Variants in DUSP4 observed in about 807,000 individuals in gnomAD.
The protein encoded by DUSP4 is dual specificity protein phosphatase 4.
DUSP4 carries 12 observed loss-of-function variants against 27.2 expected under a neutral mutation model. The observed-to-expected ratio is 0.44, with a 90% CI of 0.28 to 0.71. The LOEUF (loss-of-function observed/expected upper bound fraction) is 0.71, where lower values mean the gene tolerates loss of function less well. Ranked by LOEUF, DUSP4 falls within the 30% of genes least tolerant of loss-of-function variation. The probability of loss-of-function intolerance (pLI) is 0.14; values close to 1 mark genes in which losing one functional copy is unlikely to be tolerated. For synonymous variants in DUSP4, 257 were observed against 245.2 expected (o/e 1.05, Z -0.45); for missense variants, 448 against 551.3 (o/e 0.81, Z 1.88).
At chr8:29,347,041 C>T (rs767187170) in intron 1 of DUSP4, among the ~76,000 whole-genome samples, 1 of 152,182 alleles carries the variant, frequency 6.6e-6, no homozygotes, top group Non-Finnish European at 1.5e-5. Flanking sequence ...ACATACATTC[C>T]CTCGCTGGAA....
In DUSP4 at chr8:29,350,336, C is replaced by T; in HGVS notation, c.-58G>A. 1.3e-6 allele frequency: 2 copies of T among 1,507,916 alleles called. No homozygotes were observed. Among genetic ancestry groups the T allele is most frequent in the Non-Finnish European group, 1.8e-6 (2 of 1,133,266 alleles). 93.4% of individuals were successfully genotyped at this position (1,507,916 alleles called of 1,614,324 possible). A position where few individuals can be genotyped will look rare whatever the true frequency, so the allele number is the denominator to read the frequency against. On this transcript the variant is annotated 5_prime_UTR_variant, in exon 1 of 4. Transcript: ENST00000240100. Reference sequence around the variant, plus strand: ...AGGAAGAGAAGAGAACCCGGGCCGCCTAGGCTGCAGAAAGGGGCGGGCGAG... The same window carrying T: ...AGGAAGAGAAGAGAACCCGGGCCGCTTAGGCTGCAGAAAGGGGCGGGCGAG...
chr8:29,346,053 G>A, intron 1 of DUSP4: 3 of 985,338 alleles, frequency 3.0e-6, no homozygotes, highest in Non-Finnish European at 1.2e-6. Context: ...GGGAACTGAA[G>A]ACAGAGAGAG....
At chr8:29,340,295 G>T in intron 1 of DUSP4, 52 bp from the exon 2 acceptor site, 1 of 1,543,832 alleles carries the variant, frequency 6.5e-7, no homozygotes, top group African/African-American at 1.4e-5. Flanking sequence ...CCAGCAGGAA[G>T]TCAGAAAGAA....
chr8:29,341,848 C>T (rs544184394), intron 1 of DUSP4, among the ~76,000 whole-genome samples: 11 of 152,302 alleles, frequency 7.2e-5, no homozygotes, highest in East Asian at 1.9e-4. Context: ...TGCTCCCTTT[C>T]GGAGAAAGTG....
At chr8:29,349,687 C>A (rs1340439536) in intron 1 of DUSP4, among the ~76,000 whole-genome samples, 159 bp downstream of exon 1, 3 of 152,208 alleles carry the variant, frequency 2.0e-5, no homozygotes, top group African/African-American at 4.8e-5. Context: ...TGCACAGAAA[C>A]CTTGCAAACC....
Position 29,338,343 on chromosome 8 carries a change from T to C in DUSP4, c.738A>G (p.Pro246=), listed in dbSNP as rs763410988. Residue 246 remains proline, a synonymous_variant, in exon 3 of 4, where the codon CCA becomes CCG. Coordinates refer to ENST00000240100, the MANE Select transcript of DUSP4 (RefSeq NM_001394.7). ...TGTCGGCCTTGTGGTTATCTTCCAC[T>C]GGGATGCACTTGTACTGATAGTGTC... The part of the protein sequence containing the change: ...FEGHYQYKCI[P]VEDNHKADIS... The C allele has an allele frequency of 9.3e-5, 150 of 1,613,988 alleles. No homozygotes were observed. Among genetic ancestry groups the C allele is most frequent in the Non-Finnish European group, 1.2e-4 (145 of 1,180,012 alleles).
Position 29,336,681 on chromosome 8 carries a change from T to G in DUSP4, c.*345A>C. The G allele has an allele frequency of 4.9e-6, 1 of 204,220 alleles. No individual in the cohort carries two copies. Among genetic ancestry groups the G allele is most frequent in the Non-Finnish European group, 9.8e-6 (1 of 101,764 alleles). The allele number at this position is 204,220 out of a possible 1,614,324, so 12.7% of individuals were successfully genotyped here. A position where few individuals can be genotyped will look rare whatever the true frequency, so the allele number is the denominator to read the frequency against. On this transcript the variant is annotated 3_prime_UTR_variant, in exon 4 of 4. Transcript: ENST00000240100. ...CCTTTAGTAAAGCTGGTTGGGCACA[T>G]TTGCTAGGATCTGTGGGTTTCATCA...
At chr8:29,347,862 G>T (rs533024751) in intron 1 of DUSP4, 6 of 985,568 alleles carry the variant, frequency 6.1e-6, no homozygotes, top group Non-Finnish European at 7.2e-6. Context: ...TCTGGCTGGG[G>T]AAATGGAGGA....
rs935273018 is a variant in DUSP4, at chr8:29,350,424, A to T, written c.-146T>A. On this transcript the variant is annotated 5_prime_UTR_variant, in exon 1 of 4. Coordinates refer to ENST00000240100, the MANE Select transcript of DUSP4 (RefSeq NM_001394.7). ...TGGTCCTCAAGGGCTCCCGCGGGAG[A>T]GCCTCTTCTTCCCTGTCCCCTTCCT... 3 of 942,010 alleles carry T rather than the reference A, an allele frequency of 3.2e-6. No individual in the cohort carries two copies. Among genetic ancestry groups the T allele is most frequent in the Non-Finnish European group, 4.6e-6 (3 of 654,330 alleles). The allele number at this position is 942,010 out of a possible 1,614,324, so 58.4% of individuals were successfully genotyped here. A position where few individuals can be genotyped will look rare whatever the true frequency, so the allele number is the denominator to read the frequency against.
chr8:29,347,688 C>G (rs1325727919), intron 1 of DUSP4: 3 of 947,442 alleles, frequency 3.2e-6, no homozygotes, highest in Non-Finnish European at 3.8e-6. Context: ...GCGTCGGGGC[C>G]GACTACGAGA....
In DUSP4 at chr8:29,337,207, A is replaced by G. The variant is rs754373118; in HGVS notation, c.1004T>C (p.Leu335Pro). The G allele has an allele frequency of 6.2e-7, 1 of 1,613,710 alleles. No individual in the cohort carries two copies. Residue 335 changes from leucine to proline, a missense_variant, in exon 4 of 4, where the codon CTG becomes CCG. Leu to Pro is a moderately conservative substitution (Grantham distance 98). Around this residue, in one of 3 missense-constraint regions of DUSP4, gnomAD observed 100 missense variants for 139.8 expected, o/e 0.72. Transcript: ENST00000240100. This position sits in a 1 kb window ranked among gnomAD's most constrained non-coding sequence, Gnocchi z 6.4. ...AGCCTCCGCAGCACAGGACGTGGCC[A>G]GCACCTGGGACTCGAACTGCAGCAG... The part of the protein sequence containing the change: ...GQLLQFESQV[L>P]ATSCAAEAAS...
At chr8:29,343,717 T>A (rs1587049576) in intron 1 of DUSP4, among the ~76,000 whole-genome samples, 1 of 152,220 alleles carries the variant, frequency 6.6e-6, no homozygotes, top group Non-Finnish European at 1.5e-5. Context: ...CCCACATTTT[T>A]AAAATGGAAT....
At chr8:29,340,836 G>A (rs761310086) in intron 1 of DUSP4, among the ~76,000 whole-genome samples, 38 of 152,222 alleles carry the variant, frequency 2.5e-4, no homozygotes, top group Non-Finnish European at 4.6e-4. Flanking sequence ...GCTATGTACA[G>A]GTTTGGGGCA....
In DUSP4 at chr8:29,350,039, G is replaced by C. The variant is rs1177113760; in HGVS notation, c.240C>G (p.Ser80=). ...CGGGCAGGATCTGCTCCAGGCTCACGGAGCCCTTAGCCCGCCGCCGCACGA... is the reference window on the plus strand; with the variant it reads ...CGGGCAGGATCTGCTCCAGGCTCACCGAGCCCTTAGCCCGCCGCCGCACGA... ...NTIVRRRAKG[S]VSLEQILPAE... is the part of the protein sequence containing the mutation. The change falls in exon 1 of 4, where the codon TCC becomes TCG. Residue 80 remains serine (S), a synonymous_variant. Transcript: ENST00000240100. 1.3e-6 allele frequency: 2 copies of C among 1,595,248 alleles called. No homozygotes were observed. Among genetic ancestry groups the C allele is most frequent in the Non-Finnish European group, 8.5e-7 (1 of 1,172,722 alleles).
chr8:29,340,148 C>G lies in DUSP4; in HGVS notation c.529G>C (p.Glu177Gln), dbSNP rs376945638. ...GAGCTGCAGCCCAGGTCCAAGGGCT[C>G]TGTGGCACTGGGGGGAACCGGGGGT... ...IPPPVPPSAT[E>Q]PLDLGCSSCG... Residue 177 changes from glutamate to glutamine, a missense_variant, in exon 2 of 4, where the codon GAG becomes CAG. Glu to Gln is a conservative substitution (Grantham distance 29). Transcript: ENST00000240100. The G allele has an allele frequency of 6.2e-7, 1 of 1,606,976 alleles. No individual in the cohort carries two copies. The highest frequency in any genetic ancestry group is 8.5e-7 in the Non-Finnish European group (1 of 1,176,732).
In DUSP4 at chr8:29,350,416, C is replaced by A. The variant is rs903086667; in HGVS notation, c.-138G>T. The A allele has an allele frequency of 2.0e-6, 2 of 992,644 alleles. No individual in the cohort carries two copies. Among genetic ancestry groups the A allele is most frequent in the Non-Finnish European group, 2.9e-6 (2 of 700,588 alleles). The allele number at this position is 992,644 out of a possible 1,614,324, so 61.5% of individuals were successfully genotyped here. A position where few individuals can be genotyped will look rare whatever the true frequency, so the allele number is the denominator to read the frequency against. ...CGCAAACTTGGTCCTCAAGGGCTCC[C>A]GCGGGAGAGCCTCTTCTTCCCTGTC... is the stretch of plus-strand genomic sequence containing the variant. On this transcript the variant is annotated 5_prime_UTR_variant, in exon 1 of 4. Transcript: ENST00000240100.
chr8:29,336,827 G>A lies in DUSP4; in HGVS notation c.*199C>T, dbSNP rs2117264649. 4 of 714,288 alleles carry A rather than the reference G, an allele frequency of 5.6e-6. No individual in the cohort carries two copies. The South Asian group carries it at 9.4e-5, about 17-fold the overall frequency. 44.2% of individuals were successfully genotyped at this position (714,288 alleles called of 1,614,324 possible). A position where few individuals can be genotyped will look rare whatever the true frequency, so the allele number is the denominator to read the frequency against. ...GCGGCAGCCGTTATTGCTCTAAGTT[G>A]GAGTGTTCTGTTTGCTTTTATTATG... On this transcript the variant is annotated 3_prime_UTR_variant, in exon 4 of 4. Transcript: ENST00000240100.
chr8:29,348,065 G>C lies in DUSP4; in HGVS notation c.433+1781C>G, dbSNP rs1022590102. 3.0e-6 allele frequency: 3 copies of C among 985,502 alleles called. No homozygotes were observed. In the Admixed American group the frequency reaches 1.8e-4, roughly 61 times the overall value. 61.0% of individuals were successfully genotyped at this position (985,502 alleles called of 1,614,324 possible). On this transcript the variant is annotated intron_variant, in intron 1 of 3. Transcript: ENST00000240100. ...GTCCCCTCGGGATTTCTTCCAGGAA[G>C]GAAAGCAAAACACAACAAAACAAAT... is the stretch of plus-strand genomic sequence containing the variant.
In DUSP4 at chr8:29,350,093, T is replaced by A. The variant is rs978777384; in HGVS notation, c.186A>T (p.Leu62=). The part of the protein sequence containing the change: ...PFLAHSAGYI[L]GSVNVRCNTI... Reference sequence around the variant, plus strand: ...TGTTACAGCGCACGTTGACCGAACCTAGGATGTAGCCCGCGCTGTGCGCCA... The same window carrying A: ...TGTTACAGCGCACGTTGACCGAACCAAGGATGTAGCCCGCGCTGTGCGCCA... The change falls in exon 1 of 4, where the codon CTA becomes CTT. Residue 62 remains leucine (L), a synonymous_variant. Coordinates refer to ENST00000240100, the MANE Select transcript of DUSP4 (RefSeq NM_001394.7). The A allele has an allele frequency of 3.7e-6, 6 of 1,608,344 alleles. No individual in the cohort carries two copies. Among genetic ancestry groups the A allele is most frequent in the Non-Finnish European group, 5.1e-6 (6 of 1,178,618 alleles).
Sources: allele counts gnomAD v4.1 joint callset (sites outside exome capture counted in the v4.1 genomes callset), GRCh38; gene constraint gnomAD v4.1.1; regional missense constraint gnomAD v4.1.1; non-coding constraint Gnocchi (gnomAD v3.1); transcripts MANE v1.5; gene names NCBI Gene and HGNC (gene_info 2026-07-23, HGNC 2026-07-21).